Variants in ENOX1 observed in about 807,000 individuals in gnomAD.
ENOX1 encodes the protein candidate growth-related and time keeping constitutive hydroquinone (NADH) oxidase.
In ENOX1, 42 loss-of-function variants were observed where a neutral mutation model predicts 82.5. The ratio of observed to expected loss-of-function variants is 0.51; its 90% CI spans 0.40 to 0.66. The LOEUF is 0.66. ENOX1 is among the 30% of genes least tolerant of loss of function. The probability of loss-of-function intolerance (pLI) is 0.00; values close to 1 mark genes in which losing one functional copy is unlikely to be tolerated. For synonymous variants in ENOX1, 271 were observed against 282.2 expected, an observed-to-expected ratio of 0.96 and a Z score of 0.40; for missense variants, 608 against 811.6, an observed-to-expected ratio of 0.75 and a Z score of 3.05.
chr13:43,785,370 C>A (rs1489408656), intron 1 of ENOX1, among the ~76,000 whole-genome samples: 1 of 152,202 alleles, frequency 6.6e-6, no homozygotes, highest in Non-Finnish European at 1.5e-5. Context: ...TTCCCACTTT[C>A]TCCACCCTCT....
intron 2 of ENOX1, among the ~76,000 whole-genome samples, chr13:43,538,038 A>G (rs2078541223): frequency 6.6e-6 from 1 of 152,172 alleles, no homozygotes; most frequent in Admixed American, 6.5e-5. Flanking sequence ...CTCCAGATCT[A>G]TGACTGTCAC....
Position 43,213,199 on chromosome 13 carries a change from C to T in ENOX1, c.*791G>A, listed in dbSNP as rs2041267614. On this transcript the variant is annotated 3_prime_UTR_variant, in exon 17 of 17. Transcript: ENST00000690772. The stretch of plus-strand genomic sequence containing the variant: ...ATAAAATTTGTAACAGGAATATTTA[C>T]TGAATGTTTATTTTGATGCATAAAC... Among the ~76,000 whole-genome samples the T allele has an allele frequency of 6.6e-6, 1 of 152,086 alleles. No individual in the cohort carries two copies.
At chr13:43,366,466 CG>C (rs2050857609) in intron 5 of ENOX1, among the ~76,000 whole-genome samples, 1 of 152,092 alleles carries the variant, frequency 6.6e-6, no homozygotes, top group African/African-American at 2.4e-5. Flanking sequence ...TTAGTAGAGA[CG>C]GGGTTTCACC....
intron 2 of ENOX1, among the ~76,000 whole-genome samples, chr13:43,538,826 C>G (rs898204155): frequency 2.6e-4 from 6 of 23,256 alleles, no homozygotes; most frequent in African/African-American, 6.7e-4. Flanking sequence ...GCCTTTCCTC[C>G]CCGCCCCTGC....
chr13:43,748,580 T>C (rs1345413704), intron 1 of ENOX1, among the ~76,000 whole-genome samples: 1 of 152,192 alleles, frequency 6.6e-6, no homozygotes, highest in Non-Finnish European at 1.5e-5. Flanking sequence ...GTCTTGAATT[T>C]ACTACCTGAC....
At chr13:43,502,938 C>T (rs148582556) in intron 2 of ENOX1, among the ~76,000 whole-genome samples, 193 of 151,486 alleles carry the variant, frequency 1.3e-3, no homozygotes, top group African/African-American at 4.5e-3. Flanking sequence ...AATCTGTTTG[C>T]TGATGACATG....
At chr13:43,406,168 A>G (rs1031583724) in intron 5 of ENOX1, among the ~76,000 whole-genome samples, 2 of 152,230 alleles carry the variant, frequency 1.3e-5, no homozygotes, top group Non-Finnish European at 2.9e-5. Context: ...GGAAATTAGA[A>G]AAAAGTACTC....
intron 2 of ENOX1, among the ~76,000 whole-genome samples, chr13:43,586,876 A>T (rs904126228): frequency 6.6e-6 from 1 of 150,678 alleles, no homozygotes; most frequent in African/African-American, 2.4e-5. Context: ...CCTCCTGGAC[A>T]ACATGGTGAA....
chr13:43,582,581 C>CTT (rs1170133800), intron 2 of ENOX1, among the ~76,000 whole-genome samples: 1 of 150,616 alleles, frequency 6.6e-6, no homozygotes, highest in African/African-American at 2.4e-5. Context: ...ATTTCTTTTT[C>CTT]TTTTTTTTTG....
chr13:43,346,982 A>G (rs1188215428), intron 8 of ENOX1, among the ~76,000 whole-genome samples: 1 of 152,170 alleles, frequency 6.6e-6, no homozygotes, highest in Admixed American at 6.5e-5. Flanking sequence ...GAGAAAGAAA[A>G]ATCCTTAACA....
chr13:43,384,771 C>A (rs1430997363), intron 5 of ENOX1, among the ~76,000 whole-genome samples: 11 of 152,110 alleles, frequency 7.2e-5, no homozygotes, highest in Non-Finnish European at 4.4e-5. Flanking sequence ...CTGGGTGAAA[C>A]AATTAAAAGG....
chr13:43,734,872 G>A (rs953869174), intron 1 of ENOX1, among the ~76,000 whole-genome samples: 1 of 152,150 alleles, frequency 6.6e-6, no homozygotes, highest in African/African-American at 2.4e-5. Context: ...AGAACTTGTT[G>A]TTAGCTAGTT....
At chr13:43,580,167 G>A (rs2080647351) in intron 2 of ENOX1, among the ~76,000 whole-genome samples, 1 of 152,174 alleles carries the variant, frequency 6.6e-6, no homozygotes, top group Non-Finnish European at 1.5e-5. Context: ...TCCTTGACCT[G>A]TACAAAAAAT....
rs200455537 is a variant in ENOX1, at chr13:43,423,823, CT to C, written c.-74-10836del. On this transcript the variant is annotated intron_variant, in intron 3 of 16. Transcript: ENST00000690772. ...CATATCAGATAATTCTTGCCTCCCCCTGGTCAAATTTTTTCTGTGTTTGCAC... is the reference window on the plus strand; with the variant it reads ...CATATCAGATAATTCTTGCCTCCCCCGGTCAAATTTTTTCTGTGTTTGCAC... Among the ~76,000 whole-genome samples, 700 of 152,322 alleles carry C rather than the reference CT, an allele frequency of 4.6e-3. 7 individuals are homozygous for C. Among genetic ancestry groups the C allele is most frequent in the African/African-American group, 0.015 (643 of 41,578 alleles).
At chr13:43,534,957 A>G (rs1427199031) in intron 2 of ENOX1, among the ~76,000 whole-genome samples, 1 of 152,220 alleles carries the variant, frequency 6.6e-6, no homozygotes, top group Non-Finnish European at 1.5e-5. Flanking sequence ...AATATTGCTT[A>G]CATTACTTGA....
intron 1 of ENOX1, among the ~76,000 whole-genome samples, chr13:43,771,112 A>C (rs1310134235): frequency 1.3e-5 from 2 of 152,218 alleles, no homozygotes; most frequent in Non-Finnish European, 2.9e-5. Context: ...AGAAGAGTGG[A>C]AATAACATTA....
chr13:43,510,592 T>C (rs1327129154), intron 2 of ENOX1, among the ~76,000 whole-genome samples: 1 of 152,094 alleles, frequency 6.6e-6, no homozygotes, highest in Non-Finnish European at 1.5e-5. Context: ...GACAAAGCCA[T>C]TGCCCGCATT....
rs541934497 is a variant in ENOX1 at position 43,735,589 on chromosome 13, C to T, written c.-285+51063G>A. ...ACAAAAAATTAGCTGGGCCTGGCAG[C>T]GTGCGCCTGTAGTCCCAGCTACTTG... On this transcript the variant is annotated intron_variant, in intron 1 of 16. Transcript: ENST00000690772. Among the ~76,000 whole-genome samples, 8 of 152,104 alleles carry T rather than the reference C, an allele frequency of 5.3e-5. No homozygotes were observed. The South Asian group carries it at 8.3e-4, about 16-fold the overall frequency.
chr13:43,518,185 G>A (rs1445928995), intron 2 of ENOX1, among the ~76,000 whole-genome samples: 3 of 152,022 alleles, frequency 2.0e-5, no homozygotes, highest in Non-Finnish European at 2.9e-5. Context: ...TTAACATGTT[G>A]TTCTCTCTTT....
Sources: allele counts gnomAD v4.1 joint callset (sites outside exome capture counted in the v4.1 genomes callset), GRCh38; gene constraint gnomAD v4.1.1; transcripts MANE v1.5; gene names NCBI Gene and HGNC (gene_info 2026-07-23, HGNC 2026-07-21).